Variants in VIPR2 observed in about 807,000 individuals in gnomAD.
The protein encoded by VIPR2 is vasoactive intestinal peptide receptor 2, also known as vasoactive intestinal polypeptide receptor 2.
Under a neutral mutation model 58.0 loss-of-function variants are expected in VIPR2, and 48 were observed. The ratio of observed to expected loss-of-function variants is 0.83; its 90% CI spans 0.66 to 1.05. The LOEUF (loss-of-function observed/expected upper bound fraction) is 1.05, where lower values mean the gene tolerates loss of function less well. Ranked by LOEUF, VIPR2 falls within the 50% of genes least tolerant of loss-of-function variation. The pLI, the probability that VIPR2 is intolerant of heterozygous loss-of-function variation, is 0.00. For missense variants in VIPR2, 534 were observed against 558.0 expected, an observed-to-expected ratio of 0.96 and a Z score of 0.43; for synonymous variants, 243 against 235.2, an observed-to-expected ratio of 1.03 and a Z score of -0.30.
chr7:159,080,522 A>G (rs1856847862), intron 4 of VIPR2, among the ~76,000 whole-genome samples: 2 of 152,308 alleles, frequency 1.3e-5, no homozygotes, highest in South Asian at 4.1e-4. Flanking sequence ...TACTGAATGG[A>G]CAAAAACTGG....
intron 3 of VIPR2, among the ~76,000 whole-genome samples, chr7:159,105,050 T>C (rs918744945): frequency 6.6e-6 from 1 of 152,240 alleles, no homozygotes; most frequent in Non-Finnish European, 1.5e-5. Context: ...AATCTCATCT[T>C]TTGCGCCTAC....
At chr7:159,144,540 T>C (rs1797613499) in intron 1 of VIPR2, 181 bp downstream of exon 1, 2 of 1,503,390 alleles carry the variant, frequency 1.3e-6, no homozygotes, top group African/African-American at 2.8e-5. Context: ...GGACCGGAGC[T>C]CAGCGCTTCA....
At chr7:159,049,542 A>G (rs1318021668) in intron 5 of VIPR2, among the ~76,000 whole-genome samples, 1 of 152,236 alleles carries the variant, frequency 6.6e-6, no homozygotes, top group African/African-American at 2.4e-5. Context: ...CACCCGCCAC[A>G]GCAGAAACGG....
rs761234220 is a variant in VIPR2, at chr7:159,098,464, C to T, written c.357+5293G>A. ...GGTCTTGGCAGGAAGAGGACACAGA[C>T]GGGAAGACCTTGGACAGGGAGACTG... On this transcript the variant is annotated intron_variant, in intron 4 of 12. Coordinates refer to ENST00000262178, the MANE Select transcript of VIPR2 (RefSeq NM_003382.5). This position sits in a 1 kb window ranked among gnomAD's most constrained non-coding sequence, Gnocchi z 5.2. Among the ~76,000 whole-genome samples, 33 of 152,170 alleles carry T rather than the reference C, an allele frequency of 2.2e-4. No homozygotes were observed. The highest frequency in any genetic ancestry group is 1.2e-4 in the Non-Finnish European group (8 of 68,026).
Position 159,032,040 on chromosome 7 carries a change from A to G in VIPR2, c.999T>C (p.Leu333=). 1 of 1,614,106 alleles carries G rather than the reference A, an allele frequency of 6.2e-7. No individual in the cohort carries two copies. Among genetic ancestry groups the G allele is most frequent in the Non-Finnish European group, 8.5e-7 (1 of 1,180,038 alleles). ...TGTAGTGGACGCCGAACAGCGGGAT[A>G]AGCAGGAGCGTGGACTTGGCCAGCC... ...YKRLAKSTLL[L]IPLFGVHYMV... is the part of the protein sequence containing the mutation. The change falls in exon 11 of 13, where the codon CTT becomes CTC. Residue 333 remains leucine (L), a synonymous_variant. Coordinates refer to ENST00000262178, the MANE Select transcript of VIPR2 (RefSeq NM_003382.5).
intron 4 of VIPR2, among the ~76,000 whole-genome samples, chr7:159,066,207 T>G (rs1340061695): frequency 1.3e-5 from 2 of 150,370 alleles, no homozygotes; most frequent in Non-Finnish European, 3.0e-5. Context: ...GCACCGTCCA[T>G]GGGATTGCAG....
At chr7:159,050,844 G>A (rs950979541) in intron 5 of VIPR2, among the ~76,000 whole-genome samples, 2 of 152,146 alleles carry the variant, frequency 1.3e-5, no homozygotes, top group Non-Finnish European at 2.9e-5. Context: ...GAGTGTAACT[G>A]CTAAAAACTG....
chr7:159,064,365 C>T (rs991580581), intron 4 of VIPR2, among the ~76,000 whole-genome samples: 2 of 152,038 alleles, frequency 1.3e-5, no homozygotes, highest in African/African-American at 2.4e-5. Flanking sequence ...CAGAACCCTC[C>T]GGGACGGGAC....
At chr7:159,080,824 C>T (rs1266182180) in intron 4 of VIPR2, among the ~76,000 whole-genome samples, 15 of 152,052 alleles carry the variant, frequency 9.9e-5, no homozygotes, top group African/African-American at 3.6e-4. Context: ...ACACCAATAA[C>T]AGACAAACAG....
In VIPR2 at chr7:159,103,986, TG is replaced by T. The variant is rs145808574; in HGVS notation, c.260-133del. 492 of 753,574 alleles carry T rather than the reference TG, an allele frequency of 6.5e-4. 1 individual carries two copies. The African/African-American group carries it at 6.7e-3, about 10-fold the overall frequency. The allele number at this position is 753,574 out of a possible 1,614,324, so 46.7% of individuals were successfully genotyped here. On this transcript the variant is annotated intron_variant, in intron 3 of 12. Transcript: ENST00000262178. ...CCAGGGGTCAGCTAGGAGACAGGAC[TG>T]CCACTCAAAAAACCTTCCTTGCCCT...
chr7:159,113,152 C>T (rs375164553), intron 2 of VIPR2, among the ~76,000 whole-genome samples: 1 of 152,198 alleles, frequency 6.6e-6, no homozygotes, highest in African/African-American at 2.4e-5. Context: ...GGTAGCCCAG[C>T]GCCTAGGAAC....
chr7:159,050,088 G>C (rs956538214), intron 5 of VIPR2, among the ~76,000 whole-genome samples: 1 of 152,136 alleles, frequency 6.6e-6, no homozygotes, highest in African/African-American at 2.4e-5. Context: ...TGTAATCCTA[G>C]CACTTTGGGA....
chr7:159,044,622 A>G (rs1854542077), intron 5 of VIPR2, among the ~76,000 whole-genome samples: 1 of 151,714 alleles, frequency 6.6e-6, no homozygotes, highest in Non-Finnish European at 1.5e-5. Flanking sequence ...AAAAAACCAT[A>G]GACAAATAAA....
chr7:159,036,987 G>T, intron 6 of VIPR2, 85 bp from the exon 7 acceptor site: 1 of 1,489,886 alleles, frequency 6.7e-7, no homozygotes, highest in South Asian at 1.3e-5. Flanking sequence ...CCAGGACACA[G>T]GGCGCTTGGT....
At chr7:159,116,365 T>A (rs977212825) in intron 2 of VIPR2, among the ~76,000 whole-genome samples, 10 of 152,070 alleles carry the variant, frequency 6.6e-5, no homozygotes, top group Non-Finnish European at 1.5e-4. Context: ...ACATGGGCCC[T>A]CCAGAGGGCA....
intron 10 of VIPR2, 84 bp from the exon 11 acceptor site, chr7:159,032,151 A>C (rs1290843663): frequency 1.7e-5 from 27 of 1,566,902 alleles, no homozygotes; most frequent in Non-Finnish European, 2.2e-5. Context: ...AGGAGGGGGC[A>C]GCTGGGTGTG....
At position 159,127,071 on chromosome 7, in the gene VIPR2, G is replaced by A. The variant is rs117327683; in HGVS notation, c.151+15375C>T. ...AGGAGACAATGCCCCACAGCAGAGCGCGGTCTCCAAACGTGTTTAGAATGC... is the reference window on the plus strand; with the variant it reads ...AGGAGACAATGCCCCACAGCAGAGCACGGTCTCCAAACGTGTTTAGAATGC... On this transcript the variant is annotated intron_variant, in intron 2 of 12. Transcript: ENST00000262178. This position sits in a 1 kb window ranked among gnomAD's most constrained non-coding sequence, Gnocchi z 4.6. Among the ~76,000 whole-genome samples, 2,106 of 152,294 alleles carry A rather than the reference G, an allele frequency of 0.014. 30 individuals carry two copies. The highest frequency in any genetic ancestry group is 0.033 in the Admixed American group (505 of 15,306).
At chr7:159,062,006 A>C (rs912965837) in intron 4 of VIPR2, among the ~76,000 whole-genome samples, 1 of 152,170 alleles carries the variant, frequency 6.6e-6, no homozygotes, top group African/African-American at 2.4e-5. Flanking sequence ...CGTCCTGAGA[A>C]GCCTGGTCTT....
chr7:159,115,202 C>T (rs1796191723), intron 2 of VIPR2, among the ~76,000 whole-genome samples: 1 of 152,210 alleles, frequency 6.6e-6, no homozygotes, highest in South Asian at 2.1e-4. Flanking sequence ...CCAGCATTTC[C>T]ACTACCATGG....
Sources: gnomAD v4.1 joint callset for allele counts (sites outside exome capture counted in the v4.1 genomes callset) on GRCh38, gnomAD v4.1.1 for gene constraint, Gnocchi (gnomAD v3.1) non-coding constraint, MANE v1.5 for transcripts, NCBI Gene and HGNC (gene_info 2026-07-23, HGNC 2026-07-21) for gene names.